Variants in KMT2E observed in about 807,000 individuals in gnomAD.
The protein encoded by KMT2E is histone reader KMT2E.
A neutral mutation model predicts 184.6 loss-of-function variants in KMT2E; 30 were observed. That is an observed-to-expected ratio of 0.16 (90% CI 0.12 to 0.22). The LOEUF is 0.22. Ranked by LOEUF, KMT2E falls within the 10% of genes least tolerant of loss-of-function variation. The pLI, the probability that KMT2E is intolerant of heterozygous loss-of-function variation, is 1.00. For synonymous variants in KMT2E, 815 were observed against 776.5 expected, an observed-to-expected ratio of 1.05 and a Z score of -0.82; for missense variants, 2,023 against 2,237.4, an observed-to-expected ratio of 0.90 and a Z score of 1.93.
intron 3 of KMT2E, among the ~76,000 whole-genome samples, chr7:105,041,545 C>A (rs146267946): frequency 6.6e-6 from 1 of 152,074 alleles, no homozygotes; most frequent in African/African-American, 2.4e-5. Flanking sequence ...GTATTACAGG[C>A]GTGTGTCACC....
chr7:105,089,212 T>G, intron 13 of KMT2E: 1 of 405,416 alleles, frequency 2.5e-6, no homozygotes, highest in Non-Finnish European at 4.8e-6. Context: ...TTTTTGTTTT[T>G]TTTCTGGATG....
intron 6 of KMT2E, among the ~76,000 whole-genome samples, chr7:105,070,902 A>T (rs1381020891): frequency 1.3e-5 from 2 of 152,196 alleles, no homozygotes; most frequent in Non-Finnish European, 2.9e-5. Context: ...CTAAACTCAA[A>T]TATAAAGCAA....
rs766116295 is a variant in KMT2E at position 105,113,243 on chromosome 7, G to T, written c.5487G>T (p.Gln1829His). 1.2e-5 allele frequency: 19 copies of T among 1,614,214 alleles called. No individual in the cohort carries two copies. The stretch of plus-strand genomic sequence containing the variant: ...CACATGGGGTTCAAGGACCTCAGCA[G>T]GCATCTCCAGTGCCTGGACAGATTC... ...ALPHGVQGPQ[Q>H]ASPVPGQIPI... Residue 1829 changes from glutamine (Q) to histidine (H), a missense_variant, in exon 27 of 27, where the codon CAG becomes CAT. This residue lies in a region of KMT2E where 1,108 missense variants were observed against 1,050.9 expected (regional missense o/e 1.05). Transcript: ENST00000311117.
At chr7:105,064,164 G>GTTTTTTTTTTTTTTTTTT (rs66946883) in intron 5 of KMT2E, 1 of 74,154 alleles carries the variant, frequency 1.3e-5, no homozygotes. Flanking sequence ...TTTTTTCTTG[G>GTTTTTTTTTTTTTTTTTT]TTTTTTTTTT....
intron 6 of KMT2E, among the ~76,000 whole-genome samples, chr7:105,070,632 CAAAAAAAAAAAAA>C (rs57911728): frequency 1.7e-5 from 1 of 59,532 alleles, no homozygotes; most frequent in Admixed American, 2.2e-4. Flanking sequence ...GACTGTGTCT[CAAAAAAAAAAAAA>C]AAAAAAAAAA....
At chr7:105,074,851 A>T (rs1252076346) in intron 8 of KMT2E, 36 bp downstream of exon 8, 1 of 1,489,294 alleles carries the variant, frequency 6.7e-7, no homozygotes, top group Non-Finnish European at 9.0e-7. Flanking sequence ...AGTGGATAGG[A>T]TAGCGGATAG....
chr7:105,039,552 A>G (rs1317266412), intron 2 of KMT2E, among the ~76,000 whole-genome samples: 1 of 152,206 alleles, frequency 6.6e-6, no homozygotes, highest in Non-Finnish European at 1.5e-5. Context: ...ATATCTATTT[A>G]GGTTAATTCC....
At chr7:105,051,986 C>T (rs1208092477) in intron 3 of KMT2E, among the ~76,000 whole-genome samples, 4 of 152,126 alleles carry the variant, frequency 2.6e-5, no homozygotes, top group Non-Finnish European at 5.9e-5. Context: ...GTGGAATACT[C>T]TCCATGTTTC....
rs1051102133 is a variant in KMT2E, at chr7:105,112,889, A to T, written c.5133A>T (p.Val1711=). The T allele has an allele frequency of 6.2e-7, 1 of 1,604,824 alleles. No homozygotes were observed. Among genetic ancestry groups the T allele is most frequent in the Non-Finnish European group, 8.5e-7 (1 of 1,177,248 alleles). The change falls in exon 27 of 27, where the codon GTA becomes GTT. Residue 1711 remains valine, a synonymous_variant. Transcript: ENST00000311117. ...TACAAGCACAACACCAGCATGTTGT[A>T]AATTCAGCACCCCCACCACCCCCTC... ...QGLQAQHQHV[V]NSAPPPPPPP...
chr7:105,072,038 G>A (rs113055019), intron 6 of KMT2E, among the ~76,000 whole-genome samples: 167 of 152,082 alleles, frequency 1.1e-3, no homozygotes, highest in African/African-American at 2.9e-3. Context: ...GAGGCCGGGC[G>A]CGGTGGCTCA....
chr7:105,099,196 G>C (rs560335384), intron 15 of KMT2E, among the ~76,000 whole-genome samples: 1 of 152,314 alleles, frequency 6.6e-6, no homozygotes, highest in South Asian at 2.1e-4. Context: ...AAAGCTGTTA[G>C]GAAATGTTTA....
In KMT2E at chr7:105,077,439, T is replaced by C; in HGVS notation, c.1130+6T>C. On this transcript the variant is annotated splice_donor_region_variant and intron_variant, in intron 11 of 26. Transcript: ENST00000311117. ...AATGGGTATTTCTTTAAAAGGTATA[T>C]TCATTTATTTTCCCATGTTCATTTT... is the stretch of plus-strand genomic sequence containing the variant. 6.3e-7 allele frequency: 1 copy of C among 1,592,360 alleles called. No homozygotes were observed. The highest frequency in any genetic ancestry group is 8.6e-7 in the Non-Finnish European group (1 of 1,168,616).
At chr7:105,024,847 C>T (rs1795107551) in intron 1 of KMT2E, among the ~76,000 whole-genome samples, 1 of 152,124 alleles carries the variant, frequency 6.6e-6, no homozygotes, top group Non-Finnish European at 1.5e-5. Context: ...AAATACTGGT[C>T]TTTGTACAGT....
At chr7:105,049,403 C>A (rs1796235955) in intron 3 of KMT2E, among the ~76,000 whole-genome samples, 1 of 151,174 alleles carries the variant, frequency 6.6e-6, no homozygotes, top group East Asian at 1.9e-4. Flanking sequence ...GAGATCACAC[C>A]ACTACATTCT....
intron 15 of KMT2E, among the ~76,000 whole-genome samples, chr7:105,097,158 C>A (rs1047692402): frequency 1.3e-5 from 2 of 152,176 alleles, no homozygotes; most frequent in African/African-American, 2.4e-5. Context: ...TTTAGAAAAT[C>A]ACTTTAGAAT....
chr7:105,047,522 TTAATAG>T (rs1298095786), intron 3 of KMT2E, among the ~76,000 whole-genome samples: 4 of 152,234 alleles, frequency 2.6e-5, no homozygotes, highest in Non-Finnish European at 5.9e-5. Context: ...ATTGTTAAAC[TTAATAG>T]TAAGAGAAGA....
In KMT2E at chr7:105,113,202, G is replaced by A. The variant is rs773989108; in HGVS notation, c.5446G>A (p.Gly1816Ser). ...PTASGFCPHPGSVALPHGVQG... is the reference protein window; with the variant it reads ...PTASGFCPHPSSVALPHGVQG... ...TGCTTCAGGGTTCTGTCCTCATCCT[G>A]GCTCTGTGGCCCTGCCACATGGGGT... The change falls in exon 27 of 27, where the codon GGC becomes AGC. Residue 1816 changes from glycine (G) to serine (S), a missense_variant. Transcript: ENST00000311117. 6.2e-6 allele frequency: 10 copies of A among 1,614,184 alleles called. No individual in the cohort carries two copies. Among genetic ancestry groups the A allele is most frequent in the Non-Finnish European group, 8.5e-6 (10 of 1,180,024 alleles).
chr7:105,077,936 G>GT (rs1797599314), intron 11 of KMT2E: 1 of 154,598 alleles, frequency 6.5e-6, no homozygotes, highest in Admixed American at 6.4e-5. Flanking sequence ...TATTGGAATG[G>GT]TATTGGAGGT....
chr7:105,105,889 A>G lies in KMT2E; in HGVS notation c.2482A>G (p.Asn828Asp). Residue 828 changes from asparagine to aspartate, a missense_variant, in exon 19 of 27, where the codon AAT (asparagine) becomes GAT (aspartate). Physicochemically the swap from Asn to Asp is conservative, Grantham distance 23. This residue lies in a region of KMT2E where 514 missense variants were observed against 621.8 expected (regional missense o/e 0.83). Transcript: ENST00000311117. ...GTTGAAACAAGCTCTGGAAGAAGAA[A>G]ATTCAGCAATTTTACATAGATTTAA... ...RWLKQALEEE[N>D]SAILHRFNSP... 6.2e-7 allele frequency: 1 copy of G among 1,612,942 alleles called. No individual in the cohort carries two copies. The highest frequency in any genetic ancestry group is 8.5e-7 in the Non-Finnish European group (1 of 1,179,684).
Sources: gnomAD v4.1 joint callset for allele counts (sites outside exome capture counted in the v4.1 genomes callset) on GRCh38, gnomAD v4.1.1 for gene constraint, gnomAD v4.1.1 regional missense constraint, MANE v1.5 for transcripts, NCBI Gene and HGNC (gene_info 2026-07-23, HGNC 2026-07-21) for gene names.